Variants in DMXL2 observed in about 807,000 individuals in gnomAD.
DMXL2 encodes Dmx like 2, also known as dmX-like protein 2.
In DMXL2, 103 loss-of-function variants were observed where a neutral mutation model predicts 331.1. The observed-to-expected ratio is 0.31, with a 90% CI of 0.27 to 0.37. The LOEUF is 0.37. Ranked by LOEUF, DMXL2 falls within the 10% of genes least tolerant of loss-of-function variation. The probability of loss-of-function intolerance (pLI) is 1.00; values close to 1 mark genes in which losing one functional copy is unlikely to be tolerated. For synonymous variants in DMXL2, 1,281 were observed against 1,252.1 expected (o/e 1.02, Z -0.49); for missense variants, 3,171 against 3,642.9 (o/e 0.87, Z 3.33).
chr15:51,567,383 A>G (rs2050362588), intron 3 of DMXL2: 1 of 152,104 alleles, frequency 6.6e-6, no homozygotes, highest in Non-Finnish European at 1.5e-5. Context: ...ATCAGTGAAA[A>G]AAGCTTCCTA....
At chr15:51,540,188 GACTA>G (rs1403053066) in intron 9 of DMXL2, among the ~76,000 whole-genome samples, 1 of 152,202 alleles carries the variant, frequency 6.6e-6, no homozygotes, top group Non-Finnish European at 1.5e-5. Context: ...AACTTTTTGA[GACTA>G]ACAGATTTTT....
At chr15:51,554,737 C>T (rs1169397939) in intron 6 of DMXL2, among the ~76,000 whole-genome samples, 1 of 152,110 alleles carries the variant, frequency 6.6e-6, no homozygotes, top group Non-Finnish European at 1.5e-5. Flanking sequence ...GAAGCAGTGA[C>T]GAGAGTCCTG....
Position 51,480,025 on chromosome 15 carries a change from T to G in DMXL2, c.6679A>C (p.Asn2227His). 6.3e-7 allele frequency: 1 copy of G among 1,596,936 alleles called. No homozygotes were observed. The highest frequency in any genetic ancestry group is 8.6e-7 in the Non-Finnish European group (1 of 1,166,468). Residue 2227 changes from asparagine to histidine, a missense_variant, in exon 25 of 44, where the codon AAT becomes CAT. Asn to His is a moderately conservative substitution (Grantham distance 68, BLOSUM62 1). Transcript: ENST00000560891. The part of the protein sequence containing the change: ...TVIANPVLYL[N>H]NHIHDILYTI... ...TAAAGTATATCATGGATGTGATTATTTAAGTACAATACAGGATTAGCTATG... is the reference window on the plus strand; with the variant it reads ...TAAAGTATATCATGGATGTGATTATGTAAGTACAATACAGGATTAGCTATG...
intron 28 of DMXL2, among the ~76,000 whole-genome samples, chr15:51,473,712 T>C (rs2041323236): frequency 6.6e-6 from 1 of 152,220 alleles, no homozygotes; most frequent in South Asian, 2.1e-4. Context: ...GGCATCAGTC[T>C]ATACCTCACC....
intron 13 of DMXL2, among the ~76,000 whole-genome samples, chr15:51,521,267 T>G (rs895902308): frequency 2.0e-5 from 3 of 152,100 alleles, no homozygotes; most frequent in Non-Finnish European, 4.4e-5. Context: ...AGTAATTAAG[T>G]TTCTCTATGC....
In DMXL2 at chr15:51,485,537, A is replaced by C. The variant is rs763109802; in HGVS notation, c.5482+536T>G. Among the ~76,000 whole-genome samples, 16 of 152,352 alleles carry C rather than the reference A, an allele frequency of 1.1e-4. No homozygotes were observed. The East Asian group carries it at 2.5e-3, about 24-fold the overall frequency. On this transcript the variant is annotated intron_variant, in intron 23 of 43. Transcript: ENST00000560891. ...ATCTTACTTTTTTTCACTTAAAAAT[A>C]CAGCACATATTAACATATGTATCTA... is the stretch of plus-strand genomic sequence containing the variant.
chr15:51,530,616 A>G (rs2047947101), intron 13 of DMXL2, among the ~76,000 whole-genome samples: 1 of 151,188 alleles, frequency 6.6e-6, no homozygotes, highest in East Asian at 1.9e-4. Context: ...TTAGCCGGGC[A>G]TGGTGGCACA....
intron 3 of DMXL2, among the ~76,000 whole-genome samples, chr15:51,566,230 GGGGTGT>G (rs2050264675): frequency 8.7e-6 from 1 of 115,462 alleles, no homozygotes; most frequent in African/African-American, 3.3e-5. Flanking sequence ...ATGTGTGTGT[GGGGTGT>G]GTGTGTGTGT....
At chr15:51,458,380 T>G (rs2039831054) in intron 36 of DMXL2, 126 bp downstream of exon 36, 1 of 1,010,970 alleles carries the variant, frequency 9.9e-7, no homozygotes, top group Non-Finnish European at 1.4e-6. Flanking sequence ...AAACCAATTA[T>G]ATTTGTCACC....
intron 18 of DMXL2, among the ~76,000 whole-genome samples, chr15:51,496,434 G>C (rs2140468507): frequency 6.6e-6 from 1 of 152,292 alleles, no homozygotes; most frequent in South Asian, 2.1e-4. Flanking sequence ...AGGAAGTAAA[G>C]GAACAAGCCA....
At chr15:51,573,085 T>G (rs1430538507) in intron 2 of DMXL2, among the ~76,000 whole-genome samples, 1 of 151,602 alleles carries the variant, frequency 6.6e-6, no homozygotes, top group Non-Finnish European at 1.5e-5. Flanking sequence ...AACAAACATA[T>G]GAAAAAAAAT....
chr15:51,598,282 A>C lies in DMXL2; in HGVS notation c.88-22101T>G, dbSNP rs144672198. 1.1e-4 allele frequency among the ~76,000 whole-genome samples: 16 copies of C among 152,338 alleles called. No individual in the cohort carries two copies. In the East Asian group the frequency reaches 3.1e-3, roughly 29 times the overall value. On this transcript the variant is annotated intron_variant, in intron 1 of 43. Transcript: ENST00000560891. ...CATTCCCCAAATGTTAATATTTTAC[A>C]TCTGCTTTACCCTTGTCTCTGTATA...
At chr15:51,521,456 GTAGTAGTGGTAGTGGTAGTA>G (rs1567062924) in intron 13 of DMXL2, among the ~76,000 whole-genome samples, 2 of 149,800 alleles carry the variant, frequency 1.3e-5, no homozygotes, top group Non-Finnish European at 3.0e-5. Context: ...AGTAGTAGTA[GTAGTAGTGGTAGTGGTAGTA>G]GTAGTAGTAG....
chr15:51,502,946 C>T lies in DMXL2; in HGVS notation c.2852G>A (p.Ser951Asn), dbSNP rs752221975. 2 of 1,613,944 alleles carry T rather than the reference C, an allele frequency of 1.2e-6. No individual in the cohort carries two copies. Among genetic ancestry groups the T allele is most frequent in the African/African-American group, 2.7e-5 (2 of 74,918 alleles). ...TGAAGAATGTGGCATGGGGCTCACACTAGGAGAGGTTTCTGGAGAAGAATC... is the reference window on the plus strand; with the variant it reads ...TGAAGAATGTGGCATGGGGCTCACATTAGGAGAGGTTTCTGGAGAAGAATC... ...NVDSSPETSP[S>N]VSPMPHSSSI... The change falls in exon 17 of 44, where the codon AGT becomes AAT. Residue 951 changes from serine to asparagine, a missense_variant. Around this residue, in one of 7 missense-constraint regions of DMXL2, gnomAD observed 1,674 missense variants for 1,780.2 expected, o/e 0.94. Transcript: ENST00000560891.
intron 3 of DMXL2, among the ~76,000 whole-genome samples, chr15:51,565,413 T>C (rs2050208352): frequency 6.6e-6 from 1 of 152,200 alleles, no homozygotes; most frequent in Non-Finnish European, 1.5e-5. Context: ...TCACGCTTTT[T>C]CTCATGCCTA....
intron 29 of DMXL2, among the ~76,000 whole-genome samples, chr15:51,469,430 T>C (rs2040891715): frequency 6.6e-6 from 1 of 152,172 alleles, no homozygotes; most frequent in Non-Finnish European, 1.5e-5. Context: ...ATATAAGTTT[T>C]TAATGGCATA....
At chr15:51,606,017 G>A (rs1469553223) in intron 1 of DMXL2, among the ~76,000 whole-genome samples, 1 of 152,126 alleles carries the variant, frequency 6.6e-6, no homozygotes, top group African/African-American at 2.4e-5. Flanking sequence ...AAAGAGTGAG[G>A]GTAAAACTGA....
At chr15:51,480,472 A>G in intron 24 of DMXL2, 70 bp downstream of exon 24, 1 of 1,452,598 alleles carries the variant, frequency 6.9e-7, no homozygotes. Context: ...AAAGAGCTTT[A>G]TAGCTATAAC....
chr15:51,507,250 T>C lies in DMXL2; in HGVS notation c.2648A>G (p.Tyr883Cys). ...TEIFFQPSQG[Y>C]RPPPFSEKFF... ...CTTTTCTGAAAATGGTGGTGGGCGG[T>C]ATCCTATTATTCAAAGGAAAAGGAT... is the stretch of plus-strand genomic sequence containing the variant. Residue 883 changes from tyrosine to cysteine, a missense_variant, in exon 16 of 44, where the codon TAC (tyrosine) becomes TGC (cysteine). Coordinates refer to ENST00000560891, the MANE Select transcript of DMXL2 (RefSeq NM_001378457.1). The C allele has an allele frequency of 6.2e-7, 1 of 1,607,680 alleles. No individual in the cohort carries two copies. The highest frequency in any genetic ancestry group is 8.5e-7 in the Non-Finnish European group (1 of 1,177,724).
Sources: gnomAD v4.1 joint callset for allele counts (sites outside exome capture counted in the v4.1 genomes callset) on GRCh38, gnomAD v4.1.1 for gene constraint, gnomAD v4.1.1 regional missense constraint, MANE v1.5 for transcripts, NCBI Gene and HGNC (gene_info 2026-07-23, HGNC 2026-07-21) for gene names.